Variants in GNB4 observed in about 807,000 individuals in gnomAD.
GNB4 encodes the protein guanine nucleotide-binding protein subunit beta-4.
In GNB4, 28 loss-of-function variants were observed where a neutral mutation model predicts 45.2. The observed-to-expected ratio is 0.62, with a 90% CI of 0.46 to 0.85. The LOEUF is 0.85. GNB4 is among the 40% of genes least tolerant of loss of function. The pLI is 0.00. For synonymous variants in GNB4, 132 were observed against 143.7 expected (o/e 0.92, Z 0.58); for missense variants, 321 against 425.4 (o/e 0.75, Z 2.16).
the GNB4 span, among the ~76,000 whole-genome samples, chr3:179,461,322 C>T: frequency 3.3e-5 from 5 of 152,062 alleles, no homozygotes; most frequent in African/African-American, 9.6e-5. Flanking sequence ...ACAGTGAAAC[C>T]CCGTCTCTAC....
upstream of GNB4, chr3:179,452,535 C>T (rs1474639226): frequency 6.6e-6 from 1 of 152,212 alleles, no homozygotes; most frequent in East Asian, 1.9e-4. Context: ...TTCCAATCCT[C>T]CTTCTGTAGC....
the GNB4 span, among the ~76,000 whole-genome samples, chr3:179,459,282 G>T: frequency 6.6e-6 from 1 of 152,160 alleles, no homozygotes; most frequent in South Asian, 2.1e-4. Context: ...TGCAGCCCCT[G>T]CGACTCTCCT....
chr3:179,433,229 A>G (rs1715355455), intron 1 of GNB4, among the ~76,000 whole-genome samples: 5 of 152,134 alleles, frequency 3.3e-5, no homozygotes. Flanking sequence ...AACCCCAAAG[A>G]TGAAGACAAA....
rs1715869632 is a variant in GNB4 at position 179,451,378 on chromosome 3, G to T, written c.-75C>A. On this transcript the variant is annotated 5_prime_UTR_variant, in exon 1 of 10. Coordinates refer to ENST00000232564, the MANE Select transcript of GNB4 (RefSeq NM_021629.4). Reference sequence around the variant, plus strand: ...GAGCTCAGGCCCGCGTCGACCGCGCGCTGCCGGTGTCCGCTGGGCGCTCAG... The same window carrying T: ...GAGCTCAGGCCCGCGTCGACCGCGCTCTGCCGGTGTCCGCTGGGCGCTCAG... 1 of 151,198 alleles carries T rather than the reference G, an allele frequency of 6.6e-6. No homozygotes were observed. The highest frequency in any genetic ancestry group is 1.5e-5 in the Non-Finnish European group (1 of 67,666). The allele number at this position is 151,198 out of a possible 1,614,324, so 9.4% of individuals were successfully genotyped here.
In GNB4 at chr3:179,426,254, CAGAG is replaced by C; in HGVS notation, c.-42-16_-42-13del. 1.5e-6 allele frequency: 2 copies of C among 1,325,784 alleles called. No individual in the cohort carries two copies. The highest frequency in any genetic ancestry group is 1.5e-5 in the African/African-American group (1 of 67,016). The allele number at this position is 1,325,784 out of a possible 1,614,324, so 82.1% of individuals were successfully genotyped here. ...ATGAGTGAAAACAGCTGTTAAAAAA[CAGAG>C]AGCAAGAGAAAGATTCAGTTCTCTA... On this transcript the variant is annotated splice_polypyrimidine_tract_variant and intron_variant, in intron 1 of 9. Transcript: ENST00000232564.
intron 9 of GNB4, among the ~76,000 whole-genome samples, chr3:179,401,530 GATT>G (rs1714302319): frequency 6.6e-6 from 1 of 152,092 alleles, no homozygotes; most frequent in African/African-American, 2.4e-5. Context: ...TATAAATTTG[GATT>G]ATTTGAATTT....
the GNB4 span, among the ~76,000 whole-genome samples, chr3:179,509,539 C>T: frequency 1.6e-4 from 24 of 151,972 alleles, 1 homozygote; most frequent in Admixed American, 1.3e-4. Context: ...GCAGTCTCCA[C>T]GTAGACAACT....
At chr3:179,525,944 G>A in the GNB4 span, among the ~76,000 whole-genome samples, 2 of 152,174 alleles carry the variant, frequency 1.3e-5, no homozygotes, top group African/African-American at 4.8e-5. Context: ...TCCTGTCCTG[G>A]GTTTCGGCAC....
the GNB4 span, chr3:179,464,926 G>A: frequency 6.5e-7 from 1 of 1,533,408 alleles, no homozygotes; most frequent in Non-Finnish European, 9.0e-7. Context: ...CCCTAGGGAA[G>A]AATGTGGTTG....
At chr3:179,415,176 G>T in intron 5 of GNB4, 129 bp from the exon 6 acceptor site, 3 of 627,576 alleles carry the variant, frequency 4.8e-6, no homozygotes, top group Non-Finnish European at 7.2e-6. Context: ...ATAAAATAAT[G>T]TAATGGCTTG....
chr3:179,496,016 C>A, the GNB4 span, among the ~76,000 whole-genome samples: 1 of 152,104 alleles, frequency 6.6e-6, no homozygotes, highest in African/African-American at 2.4e-5. Context: ...GTGTAAAATT[C>A]ACTGGCAAAG....
rs1714283436 is a variant in GNB4, at chr3:179,401,091, TTGTAGATAATC to T, written c.*111_*121del. The T allele has an allele frequency of 3.4e-6, 2 of 592,452 alleles. No individual in the cohort carries two copies. The highest frequency in any genetic ancestry group is 1.9e-5 in the African/African-American group (1 of 51,930). 36.7% of individuals were successfully genotyped at this position (592,452 alleles called of 1,614,324 possible). A position where few individuals can be genotyped will look rare whatever the true frequency, so the allele number is the denominator to read the frequency against. ...TTGGTAGTTTACTGAAAGCTTGTTT[TTGTAGATAATC>T]TAATAGAAAAATCTTCACCTGCAAA... is the stretch of plus-strand genomic sequence containing the variant. On this transcript the variant is annotated 3_prime_UTR_variant, in exon 10 of 10. Transcript: ENST00000232564.
chr3:179,415,293 C>T (rs764071230), intron 5 of GNB4, among the ~76,000 whole-genome samples: 2 of 152,094 alleles, frequency 1.3e-5, no homozygotes, highest in Non-Finnish European at 2.9e-5. Flanking sequence ...AAATAATTCT[C>T]TTAATAAAAT....
the GNB4 span, among the ~76,000 whole-genome samples, chr3:179,461,585 A>C: frequency 6.6e-6 from 1 of 152,228 alleles, no homozygotes; most frequent in Admixed American, 6.5e-5. Context: ...TTGGGTCTAC[A>C]TATGAGCTGA....
At chr3:179,406,908 C>T (rs149757866) in intron 8 of GNB4, among the ~76,000 whole-genome samples, 400 of 152,096 alleles carry the variant, frequency 2.6e-3, no homozygotes, top group African/African-American at 9.3e-3. Context: ...AGCCACAGCG[C>T]CTGGCCCCTC....
chr3:179,421,312 A>G (rs1714973865), intron 2 of GNB4, among the ~76,000 whole-genome samples: 5 of 152,164 alleles, frequency 3.3e-5, no homozygotes, highest in Admixed American at 2.6e-4. Flanking sequence ...AATTTGAGAG[A>G]CCTCAAATTT....
intron 1 of GNB4, among the ~76,000 whole-genome samples, chr3:179,446,798 G>A (rs996662459): frequency 5.3e-5 from 8 of 152,164 alleles, no homozygotes; most frequent in African/African-American, 2.4e-5. Flanking sequence ...TAGCACTAAC[G>A]CTGTAAGATT....
chr3:179,406,645 C>G (rs1714479131), intron 8 of GNB4, among the ~76,000 whole-genome samples: 1 of 151,998 alleles, frequency 6.6e-6, no homozygotes, highest in Non-Finnish European at 1.5e-5. Context: ...CAGAGTCTTG[C>G]TCTGTCACCC....
the GNB4 span, among the ~76,000 whole-genome samples, chr3:179,510,966 G>GCAGCCTCCAACTCCATGCT: frequency 6.6e-6 from 1 of 152,118 alleles, no homozygotes; most frequent in African/African-American, 2.4e-5. Context: ...CTGCTCACTA[G>GCAGCCTCCAACTCCATGCT]CAGCCTCCAA....
Sources: allele counts gnomAD v4.1 joint callset (sites outside exome capture counted in the v4.1 genomes callset), GRCh38; gene constraint gnomAD v4.1.1; transcripts MANE v1.5; gene names NCBI Gene and HGNC (gene_info 2026-07-23, HGNC 2026-07-21).